Variants in DHX9 observed in about 807,000 individuals in gnomAD.
The protein encoded by DHX9 is ATP-dependent RNA helicase A.
A neutral mutation model predicts 148.7 loss-of-function variants in DHX9; 27 were observed. That is an observed-to-expected ratio of 0.18 (90% CI 0.13 to 0.25). The LOEUF (loss-of-function observed/expected upper bound fraction) is 0.25, where lower values mean the gene tolerates loss of function less well. Among genes scored for constraint, DHX9 ranks in the 10% least tolerant of loss-of-function variants. The pLI is 1.00. For missense variants in DHX9, 796 were observed against 1,559.6 expected (o/e 0.51, Z 8.25); for synonymous variants, 529 against 516.6 (o/e 1.02, Z -0.33).
Position 182,872,423 on chromosome 1 carries a change from C to G in DHX9, c.1644C>G (p.Thr548=). ...RIVLMSATID[T]SMFCEYFFNC... ...TTCTTATGTCTGCTACTATTGATAC[C>G]AGCATGTTTTGTGAATATTTCTTCA... Residue 548 remains threonine (T), a synonymous_variant, in exon 15 of 28, where the codon ACC becomes ACG. Coordinates refer to ENST00000367549, the MANE Select transcript of DHX9 (RefSeq NM_001357.5). 4 of 1,613,742 alleles carry G rather than the reference C, an allele frequency of 2.5e-6. No homozygotes were observed. Among genetic ancestry groups the G allele is most frequent in the Non-Finnish European group, 3.4e-6 (4 of 1,179,844 alleles).
At chr1:182,871,233 A>C (rs1309629904) in intron 14 of DHX9, among the ~76,000 whole-genome samples, 1 of 152,244 alleles carries the variant, frequency 6.6e-6, no homozygotes, top group Non-Finnish European at 1.5e-5. Context: ...GATCAAAAAT[A>C]CAGGCATTTT....
chr1:182,877,937 G>A lies in DHX9; in HGVS notation c.2199-84G>A, dbSNP rs1426495907. 27 of 1,456,002 alleles carry A rather than the reference G, an allele frequency of 1.9e-5. No individual in the cohort carries two copies. In the Admixed American group the frequency reaches 4.8e-4, roughly 26 times the overall value. 90.2% of individuals were successfully genotyped at this position (1,456,002 alleles called of 1,614,324 possible). On this transcript the variant is annotated intron_variant, in intron 19 of 27. Transcript: ENST00000367549. ...GTAGGTATGGCTTTAACTACATAGTGGAAAGCATTCACTACTTAGTGGATA... is the reference window on the plus strand; with the variant it reads ...GTAGGTATGGCTTTAACTACATAGTAGAAAGCATTCACTACTTAGTGGATA...
intron 27 of DHX9, 99 bp from the exon 28 acceptor site, chr1:182,886,984 T>G: frequency 1.8e-6 from 2 of 1,134,934 alleles, no homozygotes; most frequent in Non-Finnish European, 2.5e-6. Flanking sequence ...TTCATTCCCT[T>G]TATTAAATTT....
rs182864273 is a variant in DHX9 at position 182,840,242 on chromosome 1, G to T, written c.-23+786G>T. Among the ~76,000 whole-genome samples the T allele has an allele frequency of 2.9e-3, 442 of 151,588 alleles. 3 individuals carry two copies. Among genetic ancestry groups the T allele is most frequent in the Non-Finnish European group, 5.1e-3 (346 of 67,918 alleles). On this transcript the variant is annotated intron_variant, in intron 1 of 27. Transcript: ENST00000367549. ...GGGACGTATTTTGAAGCAGAAATGC[G>T]TAGTGGTGGAAGGTAGTAGATCTGG...
chr1:182,856,501 T>A (rs755044656), intron 6 of DHX9, 31 bp from the exon 7 acceptor site: 1 of 1,609,272 alleles, frequency 6.2e-7, no homozygotes, highest in African/African-American at 1.3e-5. Flanking sequence ...AACAGTGAAA[T>A]TTCTAACCTT....
intron 10 of DHX9, 58 bp downstream of exon 10, chr1:182,858,952 T>C: frequency 6.2e-7 from 1 of 1,610,404 alleles, no homozygotes; most frequent in Non-Finnish European, 8.5e-7. Flanking sequence ...GAGACTATAT[T>C]TGATTAGTAT....
chr1:182,856,815 G>T (rs1056273050), intron 7 of DHX9, among the ~76,000 whole-genome samples: 2 of 152,144 alleles, frequency 1.3e-5, no homozygotes, highest in Non-Finnish European at 2.9e-5. Context: ...AGACACAGTG[G>T]GATGATTAGG....
At chr1:182,867,070 G>A in intron 14 of DHX9, 27 bp downstream of exon 14, 2 of 1,392,398 alleles carry the variant, frequency 1.4e-6, no homozygotes, top group Non-Finnish European at 9.8e-7. Flanking sequence ...GTACAGTAAG[G>A]TACTTAATTC....
chr1:182,877,403 A>G (rs1648859346), intron 19 of DHX9: 1 of 153,360 alleles, frequency 6.5e-6, no homozygotes, highest in African/African-American at 2.4e-5. Context: ...AAAAAAGTTG[A>G]AACTTGGTTA....
At chr1:182,865,922 TAC>T (rs142274493) in intron 12 of DHX9, among the ~76,000 whole-genome samples, 1 of 152,124 alleles carries the variant, frequency 6.6e-6, no homozygotes, top group Non-Finnish European at 1.5e-5. Flanking sequence ...GAAATAGCAA[TAC>T]ACACAGTTTT....
At position 182,881,506 on chromosome 1, in the gene DHX9, C is replaced by A. The variant is rs757236413; in HGVS notation, c.2787-14C>A. 4 of 1,607,732 alleles carry A rather than the reference C, an allele frequency of 2.5e-6. No individual in the cohort carries two copies. Among genetic ancestry groups the A allele is most frequent in the South Asian group, 1.1e-5 (1 of 89,570 alleles). On this transcript the variant is annotated splice_polypyrimidine_tract_variant and intron_variant, in intron 23 of 27. Transcript: ENST00000367549. ...TGGTCTTAGAGAATGATTTCTCATG[C>A]CAATTTATTTTAGAATGGGTGGAGA...
Position 182,842,566 on chromosome 1 carries a change from C to A in DHX9, c.-1C>A. The A allele has an allele frequency of 6.2e-7, 1 of 1,610,616 alleles. No individual in the cohort carries two copies. The highest frequency in any genetic ancestry group is 1.1e-5 in the South Asian group (1 of 90,646). ...TTAGATCTGAAGAAGACACTTGAATCATGGGTGACGTTAAAAATTTTCTGT... is the reference window on the plus strand; with the variant it reads ...TTAGATCTGAAGAAGACACTTGAATAATGGGTGACGTTAAAAATTTTCTGT... On this transcript the variant is annotated 5_prime_UTR_variant, in exon 2 of 28. Transcript: ENST00000367549.
Position 182,859,065 on chromosome 1 carries a change from A to C in DHX9, c.1088A>C (p.Asp363Ala). 1 of 1,614,170 alleles carries C rather than the reference A, an allele frequency of 6.2e-7. No individual in the cohort carries two copies. The highest frequency in any genetic ancestry group is 8.5e-7 in the Non-Finnish European group (1 of 1,180,020). Reference sequence around the variant, plus strand: ...GCTACTCCAGAGCAAATAAGCATGGACCTCAAGAATGAATTGATGTACCAG... The same window carrying C: ...GCTACTCCAGAGCAAATAAGCATGGCCCTCAAGAATGAATTGATGTACCAG... Reference protein sequence around the residue: ...AFATPEQISMDLKNELMYQLE... With the variant: ...AFATPEQISMALKNELMYQLE... Residue 363 changes from aspartate (D) to alanine (A), a missense_variant, in exon 11 of 28, where the codon GAC becomes GCC. Physicochemically the swap from Asp to Ala is moderately radical, Grantham distance 126. Transcript: ENST00000367549.
intron 1 of DHX9, chr1:182,839,955 G>T (rs560509495): frequency 6.6e-6 from 1 of 152,452 alleles, no homozygotes; most frequent in South Asian, 2.1e-4. Flanking sequence ...CTCGAAGGAG[G>T]GAGGCTTTGA....
intron 6 of DHX9, among the ~76,000 whole-genome samples, chr1:182,855,335 A>G (rs1668235511): frequency 6.6e-6 from 1 of 152,238 alleles, no homozygotes; most frequent in African/African-American, 2.4e-5. Context: ...TGTTATCAGT[A>G]TCTTATCATA....
At chr1:182,848,681 A>G (rs893220032) in intron 3 of DHX9, among the ~76,000 whole-genome samples, 2 of 152,238 alleles carry the variant, frequency 1.3e-5, no homozygotes, top group Non-Finnish European at 2.9e-5. Flanking sequence ...TTGCATTGCT[A>G]TAAAATACCT....
At chr1:182,872,648 CTGTTA>C (rs1648596909) in intron 15 of DHX9, among the ~76,000 whole-genome samples, 155 bp downstream of exon 15, 1 of 152,156 alleles carries the variant, frequency 6.6e-6, no homozygotes, top group African/African-American at 2.4e-5. Flanking sequence ...AGTTTCTCTT[CTGTTA>C]TTTTATACAG....
In DHX9 at chr1:182,866,522, T is replaced by C; in HGVS notation, c.1411T>C (p.Tyr471His). 6.2e-7 allele frequency: 1 copy of C among 1,614,206 alleles called. No homozygotes were observed. The highest frequency in any genetic ancestry group is 8.5e-7 in the Non-Finnish European group (1 of 1,180,022). The change falls in exon 13 of 28, where the codon TAC (tyrosine) becomes CAC (histidine). Residue 471 changes from tyrosine to histidine, a missense_variant. Physicochemically the swap from Tyr to His is moderately conservative, Grantham distance 83. Around this residue, in one of 14 missense-constraint regions of DHX9, gnomAD observed 58 missense variants for 122.8 expected, o/e 0.47. Coordinates refer to ENST00000367549, the MANE Select transcript of DHX9 (RefSeq NM_001357.5). ...AGAAGAGCCTGGAAAAAGCTGTGGC[T>C]ACAGCGTTCGATTTGAGTCTATACT... Reference protein sequence around the residue: ...RGEEPGKSCGYSVRFESILPR... With the variant: ...RGEEPGKSCGHSVRFESILPR...
chr1:182,858,901 G>A lies in DHX9; in HGVS notation c.1062+7G>A, dbSNP rs1668303909. 2 of 1,613,712 alleles carry A rather than the reference G, an allele frequency of 1.2e-6. No homozygotes were observed. The highest frequency in any genetic ancestry group is 1.7e-6 in the Non-Finnish European group (2 of 1,179,876). ...TGAGGGGCCTCTGGCTTTTGTGAGTGCAATATTGTTTTTGAGATCAGAGTC... is the reference window on the plus strand; with the variant it reads ...TGAGGGGCCTCTGGCTTTTGTGAGTACAATATTGTTTTTGAGATCAGAGTC... On this transcript the variant is annotated splice_region_variant and intron_variant, in intron 10 of 27. Transcript: ENST00000367549.
Sources: allele counts gnomAD v4.1 joint callset (sites outside exome capture counted in the v4.1 genomes callset), GRCh38; gene constraint gnomAD v4.1.1; regional missense constraint gnomAD v4.1.1; transcripts MANE v1.5; gene names NCBI Gene and HGNC (gene_info 2026-07-23, HGNC 2026-07-21).